The following TP63 variants were observed in gnomAD, a reference collection of about 807,000 sequenced individuals.
TP63 encodes the protein tumor protein 63.
Under a neutral mutation model 82.8 loss-of-function variants are expected in TP63, and 17 were observed. The observed-to-expected ratio is 0.21, with a 90% CI of 0.14 to 0.31. The LOEUF is 0.31. Among genes scored for constraint, TP63 ranks in the 10% least tolerant of loss-of-function variants. The pLI is 1.00. For missense variants in TP63, 648 were observed against 895.3 expected, an observed-to-expected ratio of 0.72 and a Z score of 3.52; for synonymous variants, 330 against 321.7, an observed-to-expected ratio of 1.03 and a Z score of -0.28.
At chr3:189,793,474 T>C (rs1725371079) in intron 3 of TP63, among the ~76,000 whole-genome samples, 1 of 152,076 alleles carries the variant, frequency 6.6e-6, no homozygotes, top group Admixed American at 6.6e-5. Context: ...GAATTTAGAT[T>C]CTGCGTTCTG....
At chr3:189,840,359 CTTTTTTTTTT>C in intron 4 of TP63, among the ~76,000 whole-genome samples, 4 of 44,448 alleles carry the variant, frequency 9.0e-5, no homozygotes, top group African/African-American at 4.3e-4. Flanking sequence ...TGCTTTTCGT[CTTTTTTTTTT>C]TTTTTTTTTT....
intron 4 of TP63, among the ~76,000 whole-genome samples, chr3:189,829,546 A>G (rs543152602): frequency 6.4e-4 from 97 of 152,328 alleles, no homozygotes; most frequent in South Asian, 1.7e-3. Context: ...AATGGCTTCT[A>G]TGAAAGTTTA....
chr3:189,719,825 T>C (rs1165453920), intron 1 of TP63, among the ~76,000 whole-genome samples: 2 of 152,218 alleles, frequency 1.3e-5, no homozygotes, highest in East Asian at 3.8e-4. Context: ...CTCTATGAAC[T>C]TTAAAAAGCA....
At chr3:189,682,552 AAATATATATATAT>A (rs1267216533) in intron 1 of TP63, among the ~76,000 whole-genome samples, 70 of 24,028 alleles carry the variant, frequency 2.9e-3, no homozygotes, top group African/African-American at 0.015. Context: ...AAAAAAAAAA[AAATATATATATAT>A]ATATATATAT....
intron 1 of TP63, among the ~76,000 whole-genome samples, chr3:189,634,184 C>A (rs1729626715): frequency 6.6e-6 from 1 of 151,812 alleles, no homozygotes; most frequent in Admixed American, 6.6e-5. Flanking sequence ...TAAGAAAGAC[C>A]AAATTTAATC....
rs1300523266 is a variant in TP63 at position 189,820,591 on chromosome 3, G to A, written c.579+12065G>A. Among the ~76,000 whole-genome samples, 30 of 152,204 alleles carry A rather than the reference G, an allele frequency of 2.0e-4. 1 individual carries two copies. Among genetic ancestry groups the A allele is most frequent in the Admixed American group, 2.0e-3 (30 of 15,274 alleles). On this transcript the variant is annotated intron_variant, in intron 4 of 13. Transcript: ENST00000264731. ...TCATCAGAAGGGACAAAAGGAGAAA[G>A]GGGAAGTGAAATGGTTTGTTGGATA...
At chr3:189,781,070 C>A (rs1724193386) in intron 3 of TP63, among the ~76,000 whole-genome samples, 1 of 152,062 alleles carries the variant, frequency 6.6e-6, no homozygotes, top group Non-Finnish European at 1.5e-5. Context: ...AGAAATCCCA[C>A]AGGATTTGGC....
intron 1 of TP63, among the ~76,000 whole-genome samples, chr3:189,715,557 T>A (rs903962259): frequency 1.3e-5 from 2 of 152,194 alleles, no homozygotes; most frequent in Non-Finnish European, 2.9e-5. Flanking sequence ...AAACTGACAT[T>A]GATGGTAAAT....
At chr3:189,881,588 T>A (rs1719919766) in intron 10 of TP63, 2 of 886,112 alleles carry the variant, frequency 2.3e-6, no homozygotes, top group Admixed American at 6.2e-5. Context: ...CATGTGTAGG[T>A]CTAAGGAACA....
At chr3:189,801,806 G>C (rs1230525305) in intron 3 of TP63, among the ~76,000 whole-genome samples, 1 of 152,152 alleles carries the variant, frequency 6.6e-6, no homozygotes, top group African/African-American at 2.4e-5. Flanking sequence ...TTACAGTCTT[G>C]ATAGTTTTGG....
At chr3:189,600,413 CT>C in the TP63 span, among the ~76,000 whole-genome samples, 1 of 152,126 alleles carries the variant, frequency 6.6e-6, no homozygotes, top group East Asian at 1.9e-4. Flanking sequence ...ATTCTAAGTG[CT>C]TTACATGTAT....
intron 3 of TP63, among the ~76,000 whole-genome samples, chr3:189,766,374 A>G (rs555833500): frequency 3.3e-5 from 5 of 152,202 alleles, no homozygotes; most frequent in Non-Finnish European, 7.4e-5. Flanking sequence ...CAAACACAAA[A>G]GCTACATTTA....
intron 10 of TP63, among the ~76,000 whole-genome samples, chr3:189,885,164 G>A (rs1409913231): frequency 6.6e-6 from 1 of 152,152 alleles, no homozygotes; most frequent in Non-Finnish European, 1.5e-5. Flanking sequence ...ATTGTTAAAG[G>A]GGAGTTTTCC....
intron 1 of TP63, among the ~76,000 whole-genome samples, chr3:189,649,437 A>G (rs778133624): frequency 6.8e-6 from 1 of 146,790 alleles, no homozygotes; most frequent in Non-Finnish European, 1.5e-5. Context: ...ACGCGTGGAC[A>G]CAGAAATGGA....
intron 4 of TP63, among the ~76,000 whole-genome samples, chr3:189,856,507 T>C (rs1716311171): frequency 6.6e-6 from 1 of 151,956 alleles, no homozygotes; most frequent in Non-Finnish European, 1.5e-5. Context: ...TCAACCCTGG[T>C]TTGATTATTG....
rs532538871 is a variant in TP63 at position 189,652,617 on chromosome 3, G to A, written c.62+21040G>A. 1.4e-5 allele frequency among the ~76,000 whole-genome samples: 2 copies of A among 146,780 alleles called. 1 individual carries two copies. Among genetic ancestry groups the A allele is most frequent in the South Asian group, 4.5e-4 (2 of 4,464 alleles). On this transcript the variant is annotated intron_variant, in intron 1 of 13. Coordinates refer to ENST00000264731, the MANE Select transcript of TP63 (RefSeq NM_003722.5). ...AAAAGTCATGATTGTGTTTTGAATTGTAAGAACATGAGATTTTGGAGGGGC... is the reference window on the plus strand; with the variant it reads ...AAAAGTCATGATTGTGTTTTGAATTATAAGAACATGAGATTTTGGAGGGGC...
At chr3:189,636,936 G>T (rs904823548) in intron 1 of TP63, among the ~76,000 whole-genome samples, 23 of 152,120 alleles carry the variant, frequency 1.5e-4, no homozygotes, top group African/African-American at 5.1e-4. Flanking sequence ...CATAGACTTT[G>T]TGAATTTTTA....
chr3:189,606,812 A>G, the TP63 span, among the ~76,000 whole-genome samples: 1 of 151,812 alleles, frequency 6.6e-6, no homozygotes, highest in African/African-American at 2.4e-5. Flanking sequence ...CGACGGGCCA[A>G]CCCCGCAATG....
chr3:189,791,438 T>C (rs1462827267), intron 3 of TP63, among the ~76,000 whole-genome samples: 2 of 152,126 alleles, frequency 1.3e-5, no homozygotes, highest in African/African-American at 4.8e-5. Context: ...TATTTCCTTT[T>C]ATGGAGGCAA....
Sources: gnomAD v4.1 joint callset for allele counts (sites outside exome capture counted in the v4.1 genomes callset) on GRCh38, gnomAD v4.1.1 for gene constraint, MANE v1.5 for transcripts, NCBI Gene and HGNC (gene_info 2026-07-23, HGNC 2026-07-21) for gene names.